SPSB1: variants seen among roughly 807,000 people sequenced by gnomAD.
SPSB1 encodes splA/ryanodine receptor domain and SOCS box containing 1.
In SPSB1, 8 loss-of-function variants were observed where a neutral mutation model predicts 21.2. The observed-to-expected ratio is 0.38, with a 90% CI of 0.22 to 0.68. SPSB1 has a LOEUF of 0.68. Among genes scored for constraint, SPSB1 ranks in the 30% least tolerant of loss-of-function variants. SPSB1 has a pLI of 0.53. For missense variants in SPSB1, 242 were observed against 377.8 expected (o/e 0.64, Z 2.98); for synonymous variants, 169 against 161.7 (o/e 1.05, Z -0.34).
chr1:9,338,703 A>C (rs1323176699), intron 1 of SPSB1, among the ~76,000 whole-genome samples: 1 of 152,212 alleles, frequency 6.6e-6, no homozygotes, highest in African/African-American at 2.4e-5. Flanking sequence ...TGGGGTCTTC[A>C]GTGCCGCCTT....
chr1:9,307,014 G>A (rs953812400), intron 1 of SPSB1, among the ~76,000 whole-genome samples: 19 of 148,936 alleles, frequency 1.3e-4, no homozygotes, highest in African/African-American at 4.2e-4. Context: ...TGCAGCCTCC[G>A]CCTCCCAGGT....
intron 2 of SPSB1, among the ~76,000 whole-genome samples, chr1:9,365,227 A>C (rs1296671933): frequency 6.6e-6 from 1 of 152,114 alleles, no homozygotes; most frequent in African/African-American, 2.4e-5. Context: ...AGCTTACTGC[A>C]GCCTTGACCT....
chr1:9,366,154 C>T (rs1034071268), intron 2 of SPSB1, among the ~76,000 whole-genome samples: 2 of 152,236 alleles, frequency 1.3e-5, no homozygotes, highest in African/African-American at 2.4e-5. Context: ...CAGCTGGAAG[C>T]GCTCTGTAAC....
At chr1:9,354,917 G>A (rs1640337795) in intron 1 of SPSB1, among the ~76,000 whole-genome samples, 1 of 152,170 alleles carries the variant, frequency 6.6e-6, no homozygotes, top group Non-Finnish European at 1.5e-5. Context: ...CCCAGGGGAT[G>A]GTGAGGCCAG....
At chr1:9,295,362 A>G (rs1639204250) in intron 1 of SPSB1, among the ~76,000 whole-genome samples, 2 of 152,124 alleles carry the variant, frequency 1.3e-5, no homozygotes, top group Non-Finnish European at 2.9e-5. Flanking sequence ...TGTTGGCCCC[A>G]GTGGCTCAGA....
At chr1:9,310,644 G>A (rs1040822132) in intron 1 of SPSB1, among the ~76,000 whole-genome samples, 1 of 151,888 alleles carries the variant, frequency 6.6e-6, no homozygotes, top group East Asian at 1.9e-4. Context: ...GCAGTGAGTT[G>A]TGATTGCACC....
intron 1 of SPSB1, among the ~76,000 whole-genome samples, chr1:9,352,401 G>A (rs973701154): frequency 3.3e-5 from 5 of 152,188 alleles, no homozygotes; most frequent in Non-Finnish European, 7.4e-5. Flanking sequence ...CCCTGTCTAA[G>A]CTCTGGCTGG....
At chr1:9,334,171 C>T (rs1309137674) in intron 1 of SPSB1, among the ~76,000 whole-genome samples, 3 of 152,032 alleles carry the variant, frequency 2.0e-5, no homozygotes, top group South Asian at 2.1e-4. Context: ...TTGCAACTTC[C>T]GCCTCCCGGG....
chr1:9,299,445 C>T (rs950627853), intron 1 of SPSB1, among the ~76,000 whole-genome samples: 5 of 152,098 alleles, frequency 3.3e-5, no homozygotes, highest in African/African-American at 1.2e-4. Context: ...TTGAGACCAG[C>T]CTGGGCAACA....
At chr1:9,327,433 GTAAA>G (rs1639834845) in intron 1 of SPSB1, among the ~76,000 whole-genome samples, 1 of 152,112 alleles carries the variant, frequency 6.6e-6, no homozygotes, top group Admixed American at 6.5e-5. Flanking sequence ...GTTCTGGGGT[GTAAA>G]GGGAAGGGGG....
chr1:9,316,338 G>A (rs1270867650), intron 1 of SPSB1, among the ~76,000 whole-genome samples: 1 of 152,230 alleles, frequency 6.6e-6, no homozygotes, highest in Non-Finnish European at 1.5e-5. Context: ...CTGTGCTAGG[G>A]CAGAGGTGAG....
At position 9,317,844 on chromosome 1, in the gene SPSB1, T is replaced by TC. The variant is rs1006344897; in HGVS notation, c.-150+24773_-150+24774insC. On this transcript the variant is annotated intron_variant, in intron 1 of 2. Coordinates refer to ENST00000328089, the MANE Select transcript of SPSB1 (RefSeq NM_025106.4). The surrounding 1 kb of genome is among the most constrained non-coding windows in gnomAD (Gnocchi z 4.3). The stretch of plus-strand genomic sequence containing the variant: ...CCGGTGGCGAGGGAACCAATTTTTT[T>TC]TTTTTTTTTTTTGAGACCCTGCAGA... 4.0e-5 allele frequency among the ~76,000 whole-genome samples: 6 copies of TC among 151,468 alleles called. No homozygotes were observed. Among genetic ancestry groups the TC allele is most frequent in the African/African-American group, 1.5e-4 (6 of 41,318 alleles).
intron 1 of SPSB1, 173 bp from the exon 2 acceptor site, chr1:9,355,570 A>G (rs1391394240): frequency 6.5e-6 from 4 of 616,962 alleles, no homozygotes; most frequent in Non-Finnish European, 8.7e-6. Context: ...ACAGCTAGCC[A>G]GGGAACGGGG....
At position 9,367,927 on chromosome 1, in the gene SPSB1, C is replaced by T; in HGVS notation, c.*352C>T. On this transcript the variant is annotated 3_prime_UTR_variant, in exon 3 of 3. Coordinates refer to ENST00000328089, the MANE Select transcript of SPSB1 (RefSeq NM_025106.4). This position sits in a 1 kb window ranked among gnomAD's most constrained non-coding sequence, Gnocchi z 5.9. Reference sequence around the variant, plus strand: ...TTCCCACACCTCTGGGAGAAGGCTGCAGCCACCTGGGGGTCCCAGGGTGGT... The same window carrying T: ...TTCCCACACCTCTGGGAGAAGGCTGTAGCCACCTGGGGGTCCCAGGGTGGT... 1 of 219,196 alleles carries T rather than the reference C, an allele frequency of 4.6e-6. No homozygotes were observed. Among genetic ancestry groups the T allele is most frequent in the South Asian group, 7.6e-5 (1 of 13,092 alleles). The allele number at this position is 219,196 out of a possible 1,614,324, so 13.6% of individuals were successfully genotyped here.
rs116684185 is a variant in SPSB1 at position 9,310,383 on chromosome 1, C to T, written c.-150+17312C>T. ...CCTTCCTGGATTTCTAAGGGATGAG[C>T]TCCTGGATAGATCAAGAAGACCTAA... On this transcript the variant is annotated intron_variant, in intron 1 of 2. Coordinates refer to ENST00000328089, the MANE Select transcript of SPSB1 (RefSeq NM_025106.4). 8.4e-3 allele frequency among the ~76,000 whole-genome samples: 1,281 copies of T among 152,264 alleles called. 21 individuals are homozygous for T. Among genetic ancestry groups the T allele is most frequent in the African/African-American group, 0.03 (1,241 of 41,528 alleles).
chr1:9,333,520 G>A lies in SPSB1; in HGVS notation c.-149-22223G>A, dbSNP rs888030021. Among the ~76,000 whole-genome samples the A allele has an allele frequency of 7.9e-5, 12 of 152,058 alleles. No individual in the cohort carries two copies. The South Asian group carries it at 1.2e-3, about 16-fold the overall frequency. On this transcript the variant is annotated intron_variant, in intron 1 of 2. Coordinates refer to ENST00000328089, the MANE Select transcript of SPSB1 (RefSeq NM_025106.4). ...TAATTTTTGTATTTTTAGTAGAGAC[G>A]GGGTTTCGCCATGTTGGGCAGGCTG... is the stretch of plus-strand genomic sequence containing the variant.
intron 1 of SPSB1, among the ~76,000 whole-genome samples, chr1:9,339,781 A>G (rs1208705042): frequency 1.3e-5 from 2 of 152,154 alleles, no homozygotes; most frequent in African/African-American, 4.8e-5. Flanking sequence ...GGGGATCGGC[A>G]GCCTGTTTAT....
At chr1:9,361,378 C>T (rs1264922602) in intron 2 of SPSB1, among the ~76,000 whole-genome samples, 1 of 151,700 alleles carries the variant, frequency 6.6e-6, no homozygotes, top group Admixed American at 6.6e-5. Flanking sequence ...AGTTCCACTC[C>T]CTGGGATATC....
chr1:9,350,495 C>G (rs1054502635), intron 1 of SPSB1, among the ~76,000 whole-genome samples: 1 of 152,224 alleles, frequency 6.6e-6, no homozygotes, highest in Non-Finnish European at 1.5e-5. Context: ...AGGGCACTGC[C>G]TGGACTATGA....
Sources: gnomAD v4.1 joint callset for allele counts (sites outside exome capture counted in the v4.1 genomes callset) on GRCh38, gnomAD v4.1.1 for gene constraint, Gnocchi (gnomAD v3.1) non-coding constraint, MANE v1.5 for transcripts, NCBI Gene and HGNC (gene_info 2026-07-23, HGNC 2026-07-21) for gene names.